The following GPRIN3 variants were observed in gnomAD, a reference collection of about 807,000 sequenced individuals.
The protein encoded by GPRIN3 is G protein-regulated inducer of neurite outgrowth 3.
In GPRIN3, 12 loss-of-function variants were observed where a neutral mutation model predicts 13.7. The observed-to-expected ratio is 0.87, with a 90% CI of 0.56 to 1.42. The LOEUF (loss-of-function observed/expected upper bound fraction) is 1.42. Among genes scored for constraint, GPRIN3 ranks in the 40% most tolerant of loss-of-function variants. The pLI is 0.00. For synonymous variants in GPRIN3, 377 were observed against 372.7 expected (o/e 1.01, Z -0.13); for missense variants, 1,009 against 958.7 (o/e 1.05, Z -0.69).
intron 1 of GPRIN3, among the ~76,000 whole-genome samples, chr4:89,276,760 G>A (rs1483541074): frequency 6.6e-6 from 1 of 152,174 alleles, no homozygotes; most frequent in Non-Finnish European, 1.5e-5. Flanking sequence ...CAAAGTTGAT[G>A]GCATCGTTTC....
In GPRIN3 at chr4:89,247,995, C is replaced by A; in HGVS notation, c.2116G>T (p.Gly706Ter). 6.2e-7 allele frequency: 1 copy of A among 1,614,060 alleles called. No individual in the cohort carries two copies. Among genetic ancestry groups the A allele is most frequent in the Non-Finnish European group, 8.5e-7 (1 of 1,180,010 alleles). ...TGCAAATGGTTCTGGATCGCGATTC[C>A]CAGGGACTCTGCGTCCAAGGATGCA... ...YGASLDAESL[G>*]IAIQNHLQRQ... The change falls in exon 2 of 2, where the codon GGA becomes TGA. Residue 706 changes from glycine to a stop codon, truncating the protein, a stop_gained. Coordinates refer to ENST00000609438, the MANE Select transcript of GPRIN3 (RefSeq NM_198281.3). LOFTEE classifies it high-confidence loss of function.
rs3819204 is a variant in GPRIN3 at position 89,244,753 on chromosome 4, T to G, written c.*3027A>C. On this transcript the variant is annotated 3_prime_UTR_variant, in exon 2 of 2. Transcript: ENST00000609438. ...TGGTATAGCATCTTAATATTTTAAA[T>G]GTTGAATTGTCTTCCAGACATGGAG... is the stretch of plus-strand genomic sequence containing the variant. 6.6e-6 allele frequency: 1 copy of G among 152,084 alleles called. No individual in the cohort carries two copies. Among genetic ancestry groups the G allele is most frequent in the Non-Finnish European group, 1.5e-5 (1 of 67,986 alleles). The allele number at this position is 152,084 out of a possible 1,614,324, so 9.4% of individuals were successfully genotyped here.
chr4:89,291,632 A>G (rs1162597994), intron 1 of GPRIN3, among the ~76,000 whole-genome samples: 1 of 152,188 alleles, frequency 6.6e-6, no homozygotes, highest in African/African-American at 2.4e-5. Context: ...AAGCCACTAT[A>G]AATAAGTTTT....
intron 1 of GPRIN3, among the ~76,000 whole-genome samples, chr4:89,266,765 G>A (rs868322628): frequency 3.3e-5 from 5 of 152,254 alleles, no homozygotes; most frequent in East Asian, 1.9e-4. Context: ...CAATGGATCC[G>A]TTCTCAAAGA....
chr4:89,242,329 A>G lies in GPRIN3; in HGVS notation c.*5451T>C, dbSNP rs1722965992. 1 of 152,134 alleles carries G rather than the reference A, an allele frequency of 6.6e-6. No homozygotes were observed. The highest frequency in any genetic ancestry group is 2.4e-5 in the African/African-American group (1 of 41,430). 9.4% of individuals were successfully genotyped at this position (152,134 alleles called of 1,614,324 possible). ...TTTACATCCGGGAGCCCATTTTTTCACAGCTAAAGCTGGTAATCCTCTGGG... is the reference window on the plus strand; with the variant it reads ...TTTACATCCGGGAGCCCATTTTTTCGCAGCTAAAGCTGGTAATCCTCTGGG... On this transcript the variant is annotated 3_prime_UTR_variant, in exon 2 of 2. Coordinates refer to ENST00000609438, the MANE Select transcript of GPRIN3 (RefSeq NM_198281.3).
At position 89,248,248 on chromosome 4, in the gene GPRIN3, C is replaced by T. The variant is rs1225343577; in HGVS notation, c.1863G>A (p.Lys621=). 4.3e-6 allele frequency: 7 copies of T among 1,614,162 alleles called. No homozygotes were observed. The East Asian group carries it at 1.3e-4, about 31-fold the overall frequency. ...CTTTGACGGAGCGAGATGGGGTCTT[C>T]TTGCCAGAACCTGGGCTGGAGTCAC... ...PMGDSSPGSG[K]KTPSRSVKAS... The change falls in exon 2 of 2, where the codon AAG becomes AAA. Residue 621 remains lysine (K), a synonymous_variant. Coordinates refer to ENST00000609438, the MANE Select transcript of GPRIN3 (RefSeq NM_198281.3).
chr4:89,271,649 A>G (rs1723954702), intron 1 of GPRIN3, among the ~76,000 whole-genome samples: 2 of 152,056 alleles, frequency 1.3e-5, no homozygotes, highest in African/African-American at 2.4e-5. Context: ...GGAGGAATCC[A>G]TGGATGTGAA....
rs1449685031 is a variant in GPRIN3, at chr4:89,260,842, C to T, written c.-123-10609G>A. On this transcript the variant is annotated intron_variant, in intron 1 of 1. Coordinates refer to ENST00000609438, the MANE Select transcript of GPRIN3 (RefSeq NM_198281.3). ...AGATAAAATAATCCCTTAAATCACA[C>T]AAAGACAATTACAAAATACTGCTGA... 3.3e-5 allele frequency among the ~76,000 whole-genome samples: 5 copies of T among 152,156 alleles called. No individual in the cohort carries two copies. In the East Asian group the frequency reaches 9.6e-4, roughly 29 times the overall value.
intron 1 of GPRIN3, among the ~76,000 whole-genome samples, chr4:89,293,298 C>T (rs1578112622): frequency 6.6e-6 from 1 of 152,318 alleles, no homozygotes; most frequent in East Asian, 1.9e-4. Context: ...TGTCTTAGAT[C>T]TGATGGAAAC....
Position 89,294,116 on chromosome 4 carries a change from A to G in GPRIN3, c.-124+13499T>C, listed in dbSNP as rs546612842. On this transcript the variant is annotated intron_variant, in intron 1 of 1. Transcript: ENST00000609438. ...TCTGCTCCATAACCAGAGAATACAGAAAAACTAACAATTAATTTGAACTTC... is the reference window on the plus strand; with the variant it reads ...TCTGCTCCATAACCAGAGAATACAGGAAAACTAACAATTAATTTGAACTTC... Among the ~76,000 whole-genome samples, 94 of 152,364 alleles carry G rather than the reference A, an allele frequency of 6.2e-4. 1 individual carries two copies. The South Asian group carries it at 0.018, about 30-fold the overall frequency.
Position 89,248,165 on chromosome 4 carries a change from A to G in GPRIN3, c.1946T>C (p.Val649Ala). ...SEFLKEQKLN[V>A]TAAAAQVGLT... ...TCCTACCTGAGCAGCAGCTGCTGTC[A>G]CATTTAACTTTTGCTCCTTGAGGAA... Residue 649 changes from valine (V) to alanine (A), a missense_variant, in exon 2 of 2, where the codon GTG becomes GCG. Transcript: ENST00000609438. The G allele has an allele frequency of 6.2e-7, 1 of 1,614,110 alleles. No individual in the cohort carries two copies. The highest frequency in any genetic ancestry group is 8.5e-7 in the Non-Finnish European group (1 of 1,180,002).
At chr4:89,288,433 T>G (rs755526939) in intron 1 of GPRIN3, among the ~76,000 whole-genome samples, 21 of 152,208 alleles carry the variant, frequency 1.4e-4, no homozygotes, top group Non-Finnish European at 2.8e-4. Context: ...ACAAATGATT[T>G]TCTGGGTCAA....
At position 89,248,639 on chromosome 4, in the gene GPRIN3, C is replaced by G. The variant is rs1349176953; in HGVS notation, c.1472G>C (p.Arg491Thr). 18 of 1,614,052 alleles carry G rather than the reference C, an allele frequency of 1.1e-5. No individual in the cohort carries two copies. Among genetic ancestry groups the G allele is most frequent in the Non-Finnish European group, 1.2e-5 (14 of 1,180,018 alleles). Residue 491 changes from arginine to threonine, a missense_variant, in exon 2 of 2, where the codon AGG becomes ACG. Transcript: ENST00000609438. ...TSYGLGKFET[R>T]PSEFAEKTTN... ...CGTTTTCTCTGCAAACTCAGATGGC[C>G]TGGTTTCAAATTTCCCCAATCCATA... is the stretch of plus-strand genomic sequence containing the variant.
intron 1 of GPRIN3, among the ~76,000 whole-genome samples, chr4:89,270,593 A>AATT (rs1723920141): frequency 7.7e-6 from 1 of 129,470 alleles, no homozygotes; most frequent in African/African-American, 3.3e-5. Flanking sequence ...ATATATATAT[A>AATT]TATATATAAA....
At chr4:89,299,823 A>G (rs1011340082) in intron 1 of GPRIN3, among the ~76,000 whole-genome samples, 4 of 152,210 alleles carry the variant, frequency 2.6e-5, no homozygotes, top group African/African-American at 4.8e-5. Flanking sequence ...TCAGGAAGCT[A>G]TGCAAGTTTG....
chr4:89,287,527 G>T (rs1724456250), intron 1 of GPRIN3, among the ~76,000 whole-genome samples: 1 of 152,136 alleles, frequency 6.6e-6, no homozygotes, highest in Admixed American at 6.5e-5. Flanking sequence ...AGGCAGGGAG[G>T]TACAGACTTA....
At position 89,238,141 on chromosome 4, in the gene GPRIN3, G is replaced by A. The variant is rs1722833211; in HGVS notation, c.*9639C>T. On this transcript the variant is annotated 3_prime_UTR_variant, in exon 2 of 2. Transcript: ENST00000609438. ...ATACACACACACACACACAGCAGCT[G>A]GAGGGAGAGTATGGCTCTTGGAAAT... 1 of 151,678 alleles carries A rather than the reference G, an allele frequency of 6.6e-6. No homozygotes were observed. Among genetic ancestry groups the A allele is most frequent in the East Asian group, 2.0e-4 (1 of 5,100 alleles). 9.4% of individuals were successfully genotyped at this position (151,678 alleles called of 1,614,324 possible).
At chr4:89,305,505 T>C (rs1725009366) in intron 1 of GPRIN3, among the ~76,000 whole-genome samples, 1 of 152,182 alleles carries the variant, frequency 6.6e-6, no homozygotes, top group Non-Finnish European at 1.5e-5. Flanking sequence ...AGTGAATGAA[T>C]GAGTGCATAA....
At position 89,262,933 on chromosome 4, in the gene GPRIN3, G is replaced by C. The variant is rs78230431; in HGVS notation, c.-123-12700C>G. ...CTAAGACAAACAACTACGAAATTAA[G>C]TCAAAACATCAATAAAAGTGATTAA... On this transcript the variant is annotated intron_variant, in intron 1 of 1. Transcript: ENST00000609438. 5.0e-4 allele frequency among the ~76,000 whole-genome samples: 76 copies of C among 152,156 alleles called. 1 individual carries two copies. Among genetic ancestry groups the C allele is most frequent in the African/African-American group, 1.8e-3 (75 of 41,506 alleles).
Sources: gnomAD v4.1 joint callset for allele counts (sites outside exome capture counted in the v4.1 genomes callset) on GRCh38, gnomAD v4.1.1 for gene constraint, MANE v1.5 for transcripts, NCBI Gene and HGNC (gene_info 2026-07-23, HGNC 2026-07-21) for gene names.